The following ASB7 variants were observed in gnomAD, a reference collection of about 807,000 sequenced individuals.
ASB7 encodes ankyrin repeat and SOCS box containing 7.
A neutral mutation model predicts 32.5 loss-of-function variants in ASB7; 4 were observed. The observed-to-expected ratio is 0.12, with a 90% CI of 0.06 to 0.28. ASB7 has a LOEUF of 0.28. Among genes scored for constraint, ASB7 ranks in the 10% least tolerant of loss-of-function variants. The pLI is 1.00. For synonymous variants in ASB7, 172 were observed against 155.6 expected (o/e 1.11, Z -0.78); for missense variants, 181 against 407.1 (o/e 0.44, Z 4.78).
intron 2 of ASB7, among the ~76,000 whole-genome samples, chr15:100,606,818 C>T (rs902290511): frequency 6.6e-6 from 1 of 151,976 alleles, no homozygotes; most frequent in Non-Finnish European, 1.5e-5. Flanking sequence ...GTATCAGTAG[C>T]TCCTGAGTCC....
At chr15:100,645,798 A>G in intron 5 of ASB7, 4 of 1,533,380 alleles carry the variant, frequency 2.6e-6, no homozygotes, top group Non-Finnish European at 3.6e-6. Context: ...TTTCCTGTAA[A>G]GTTGACTTAA....
chr15:100,629,357 C>T lies in ASB7; in HGVS notation c.212-80C>T, dbSNP rs1263636835. ...GCTTCACATTTTATATGAGAATTGG[C>T]CACAGTTTGCTGTGCCATGGTAATG... is the stretch of plus-strand genomic sequence containing the variant. On this transcript the variant is annotated intron_variant, in intron 4 of 5. Transcript: ENST00000332783. This position sits in a 1 kb window ranked among gnomAD's most constrained non-coding sequence, Gnocchi z 6.8. 9.4e-6 allele frequency: 12 copies of T among 1,278,362 alleles called. No individual in the cohort carries two copies. The African/African-American group carries it at 1.2e-4, about 13-fold the overall frequency. The allele number at this position is 1,278,362 out of a possible 1,614,324, so 79.2% of individuals were successfully genotyped here. A position where few individuals can be genotyped will look rare whatever the true frequency, so the allele number is the denominator to read the frequency against.
At chr15:100,646,156 A>G in intron 5 of ASB7, 1 of 415,138 alleles carries the variant, frequency 2.4e-6, no homozygotes, top group Non-Finnish European at 4.8e-6. Context: ...CCACTCCCAT[A>G]AGAGAATAGT....
At chr15:100,623,267 G>A (rs1392751388) in intron 4 of ASB7, among the ~76,000 whole-genome samples, 1 of 152,142 alleles carries the variant, frequency 6.6e-6, no homozygotes, top group African/African-American at 2.4e-5. Flanking sequence ...GGCCCACGTG[G>A]TGGTGGATGC....
Position 100,649,308 on chromosome 15 carries a change from A to G in ASB7, c.*846A>G, listed in dbSNP as rs1002839762. 6.6e-6 allele frequency: 1 copy of G among 152,186 alleles called. No individual in the cohort carries two copies. The highest frequency in any genetic ancestry group is 2.4e-5 in the African/African-American group (1 of 41,432). 9.4% of individuals were successfully genotyped at this position (152,186 alleles called of 1,614,324 possible). On this transcript the variant is annotated 3_prime_UTR_variant, in exon 6 of 6. Transcript: ENST00000332783. ...TCGTCATTTCACAGCCAGCTTTGAC[A>G]TGCCCGTGAGGACAGGAGCCGCCGC... is the stretch of plus-strand genomic sequence containing the variant.
chr15:100,641,998 C>CT (rs1175176407), intron 5 of ASB7, among the ~76,000 whole-genome samples: 4 of 152,194 alleles, frequency 2.6e-5, no homozygotes, highest in Non-Finnish European at 5.9e-5. Flanking sequence ...AGAGTTGATG[C>CT]TTTTAACCAC....
At chr15:100,619,458 G>A (rs910977286) in intron 4 of ASB7, among the ~76,000 whole-genome samples, 12 of 152,218 alleles carry the variant, frequency 7.9e-5, no homozygotes, top group African/African-American at 2.9e-4. Flanking sequence ...AGAGTAGCTG[G>A]GATATGAGGT....
chr15:100,622,895 C>G (rs1045039409), intron 4 of ASB7, among the ~76,000 whole-genome samples: 1 of 152,112 alleles, frequency 6.6e-6, no homozygotes, highest in Non-Finnish European at 1.5e-5. Context: ...ATGGCTAAGA[C>G]CTCAGAAACA....
At position 100,621,869 on chromosome 15, in the gene ASB7, AG is replaced by A. The variant is rs200653625; in HGVS notation, c.212-7567del. ...ATCTTTGTCTAGAATGGTGAAAAAA[AG>A]AAAACAGGAGAAAAGATACATAACC... On this transcript the variant is annotated intron_variant, in intron 4 of 5. Coordinates refer to ENST00000332783, the MANE Select transcript of ASB7 (RefSeq NM_198243.3). 1.1e-3 allele frequency among the ~76,000 whole-genome samples: 170 copies of A among 150,796 alleles called. 2 individuals carry two copies. Among genetic ancestry groups the A allele is most frequent in the African/African-American group, 2.3e-3 (93 of 41,252 alleles).
chr15:100,610,942 A>C (rs1437516226), intron 3 of ASB7, among the ~76,000 whole-genome samples: 1 of 152,266 alleles, frequency 6.6e-6, no homozygotes, highest in African/African-American at 2.4e-5. Flanking sequence ...TTAAAAGCTT[A>C]AAAACACACT....
intron 5 of ASB7, among the ~76,000 whole-genome samples, chr15:100,639,312 G>A (rs903444892): frequency 1.3e-5 from 2 of 152,156 alleles, no homozygotes; most frequent in African/African-American, 4.8e-5. Flanking sequence ...ACAGTAACCC[G>A]AAATATTTTT....
At chr15:100,631,459 C>A (rs1166683699) in intron 5 of ASB7, among the ~76,000 whole-genome samples, 4 of 152,158 alleles carry the variant, frequency 2.6e-5, no homozygotes, top group African/African-American at 9.7e-5. Context: ...ACAGAAGTCG[C>A]CACAGTTGGG....
At chr15:100,610,780 T>G (rs1033908591) in intron 3 of ASB7, among the ~76,000 whole-genome samples, 2 of 152,236 alleles carry the variant, frequency 1.3e-5, no homozygotes, top group African/African-American at 4.8e-5. Context: ...AACCTACATA[T>G]GAGAACAGAA....
chr15:100,629,434 C>T lies in ASB7; in HGVS notation c.212-3C>T, dbSNP rs1173792933. The T allele has an allele frequency of 1.2e-6, 2 of 1,601,430 alleles. No individual in the cohort carries two copies. Among genetic ancestry groups the T allele is most frequent in the Non-Finnish European group, 1.7e-6 (2 of 1,170,822 alleles). On this transcript the variant is annotated splice_polypyrimidine_tract_variant and splice_region_variant and intron_variant, in intron 4 of 5. Coordinates refer to ENST00000332783, the MANE Select transcript of ASB7 (RefSeq NM_198243.3). This position sits in a 1 kb window ranked among gnomAD's most constrained non-coding sequence, Gnocchi z 6.8. ...AATACTTTCATTTTGGTTTTAACTC[C>T]AGCTGATCCTACAGTTAAAGACTTA...
At chr15:100,631,322 C>T (rs576066797) in intron 5 of ASB7, among the ~76,000 whole-genome samples, 1 of 152,284 alleles carries the variant, frequency 6.6e-6, no homozygotes, top group Admixed American at 6.5e-5. Context: ...TATTTAATTG[C>T]GATTTAAGTT....
rs1437987373 is a variant in ASB7, at chr15:100,649,501, G to A, written c.*1039G>A. ...GTTCAATAATTTGGGGTGGCTTCAT[G>A]GTGTTTCTTTTCTTCCCAGTTTAAA... On this transcript the variant is annotated 3_prime_UTR_variant, in exon 6 of 6. Transcript: ENST00000332783. The A allele has an allele frequency of 6.6e-6, 1 of 151,950 alleles. No individual in the cohort carries two copies. Among genetic ancestry groups the A allele is most frequent in the Non-Finnish European group, 1.5e-5 (1 of 68,012 alleles). The allele number at this position is 151,950 out of a possible 1,614,324, so 9.4% of individuals were successfully genotyped here.
intron 5 of ASB7, chr15:100,645,534 C>T (rs2039991894): frequency 1.5e-6 from 1 of 668,972 alleles, no homozygotes; most frequent in Non-Finnish European, 2.8e-6. Flanking sequence ...TGAGCAGCCA[C>T]ATCATAGAGA....
At position 100,629,829 on chromosome 15, in the gene ASB7, A is replaced by G; in HGVS notation, c.604A>G (p.Arg202Gly). Residue 202 changes from arginine (R) to glycine (G), a missense_variant, in exon 5 of 6, where the codon AGA becomes GGA. By Grantham distance (125) the Arg-to-Gly change is moderately radical. Transcript: ENST00000332783. The surrounding 1 kb of genome is among the most constrained non-coding windows in gnomAD (Gnocchi z 6.8). ...CTCTTATTGCCGAATGTTCCTTCAGAGAGGGGCAGACACAAACTTGGGTCG... is the reference window on the plus strand; with the variant it reads ...CTCTTATTGCCGAATGTTCCTTCAGGGAGGGGCAGACACAAACTTGGGTCG... ...NHSYCRMFLQ[R>G]GADTNLGRLE... 1 of 1,614,234 alleles carries G rather than the reference A, an allele frequency of 6.2e-7. No homozygotes were observed. Among genetic ancestry groups the G allele is most frequent in the Non-Finnish European group, 8.5e-7 (1 of 1,180,042 alleles).
intron 5 of ASB7, among the ~76,000 whole-genome samples, chr15:100,634,685 T>C (rs955857902): frequency 2.0e-4 from 30 of 152,022 alleles, no homozygotes; most frequent in Non-Finnish European, 3.7e-4. Context: ...GCACCTATTG[T>C]CCCCGCTACT....
Sources: allele counts gnomAD v4.1 joint callset (sites outside exome capture counted in the v4.1 genomes callset), GRCh38; gene constraint gnomAD v4.1.1; non-coding constraint Gnocchi (gnomAD v3.1); transcripts MANE v1.5; gene names NCBI Gene and HGNC (gene_info 2026-07-23, HGNC 2026-07-21).